SLC35F1: variants seen among roughly 807,000 people sequenced by gnomAD.
The protein encoded by SLC35F1 is chromosome 6 open reading frame 169.
A neutral mutation model predicts 48.7 loss-of-function variants in SLC35F1; 14 were observed. The ratio of observed to expected loss-of-function variants is 0.29; its 90% CI spans 0.19 to 0.45. SLC35F1 has a LOEUF of 0.45. SLC35F1 is among the 20% of genes least tolerant of loss of function. SLC35F1 has a pLI of 1.00. For synonymous variants in SLC35F1, 190 were observed against 202.2 expected (o/e 0.94, Z 0.51); for missense variants, 404 against 500.0 (o/e 0.81, Z 1.83).
At chr6:118,188,319 G>A (rs892520574) in intron 2 of SLC35F1, among the ~76,000 whole-genome samples, 1 of 152,190 alleles carries the variant, frequency 6.6e-6, no homozygotes, top group Non-Finnish European at 1.5e-5. Context: ...GGAGGTGGAG[G>A]CGGGTGGATC....
rs551122941 is a variant in SLC35F1, at chr6:118,282,762, T to G, written c.848-2422T>G. 4.5e-4 allele frequency among the ~76,000 whole-genome samples: 68 copies of G among 152,256 alleles called. 1 individual carries two copies. In the South Asian group the frequency reaches 0.014, roughly 31 times the overall value. On this transcript the variant is annotated intron_variant, in intron 6 of 7. Transcript: ENST00000360388. ...CCCTGGGCATCCTCCATGCTCTCCT[T>G]TCCCTCACCACCTACATCAGTCTAT...
In SLC35F1 at chr6:118,042,371, G is replaced by A. The variant is rs143321251; in HGVS notation, c.174-112074G>A. Among the ~76,000 whole-genome samples, 594 of 152,294 alleles carry A rather than the reference G, an allele frequency of 3.9e-3. 6 individuals carry two copies. The highest frequency in any genetic ancestry group is 0.013 in the African/African-American group (556 of 41,568). ...CACGTTGGGTGGTGGCACAAAGCAT[G>A]AAACAACTAACTCTACCTGCATAGA... On this transcript the variant is annotated intron_variant, in intron 1 of 7. Coordinates refer to ENST00000360388, the MANE Select transcript of SLC35F1 (RefSeq NM_001029858.4).
At chr6:118,133,500 A>G (rs2114427038) in intron 1 of SLC35F1, among the ~76,000 whole-genome samples, 1 of 152,336 alleles carries the variant, frequency 6.6e-6, no homozygotes, top group African/African-American at 2.4e-5. Context: ...AGAAAGGTTA[A>G]TCATATTGAT....
At chr6:118,006,287 TAAG>T (rs961101112) in intron 1 of SLC35F1, among the ~76,000 whole-genome samples, 1 of 152,150 alleles carries the variant, frequency 6.6e-6, no homozygotes, top group African/African-American at 2.4e-5. Context: ...AGAGTAATGA[TAAG>T]AAGGCTTTCT....
rs560467090 is a variant in SLC35F1, at chr6:118,136,924, A to T, written c.174-17521A>T. On this transcript the variant is annotated intron_variant, in intron 1 of 7. Transcript: ENST00000360388. ...GGGCCTCATTTCTCACCTTCCTGGG[A>T]TTAGCTATGGAACTGGAATATAGAT... is the stretch of plus-strand genomic sequence containing the variant. Among the ~76,000 whole-genome samples the T allele has an allele frequency of 3.3e-5, 5 of 152,338 alleles. No individual in the cohort carries two copies. In the East Asian group the frequency reaches 9.6e-4, roughly 29 times the overall value.
intron 1 of SLC35F1, among the ~76,000 whole-genome samples, chr6:118,127,968 AAAAC>A (rs1159494139): frequency 7.2e-5 from 11 of 152,198 alleles, no homozygotes; most frequent in Non-Finnish European, 4.4e-5. Context: ...TTATAGGAAA[AAAAC>A]AAACAACCCC....
At chr6:117,977,467 G>A (rs867192942) in intron 1 of SLC35F1, among the ~76,000 whole-genome samples, 1 of 152,106 alleles carries the variant, frequency 6.6e-6, no homozygotes, top group Non-Finnish European at 1.5e-5. Flanking sequence ...ACATGAAAAT[G>A]TTAGCTAAGT....
In SLC35F1 at chr6:118,154,430, T is replaced by C. The variant is rs201593306; in HGVS notation, c.174-15T>C. ...CTGCTGACCTTTGCTGTGTTTTTTT[T>C]CCTTTATTTCTCAGGGAGATGTTAA... On this transcript the variant is annotated splice_polypyrimidine_tract_variant and intron_variant, in intron 1 of 7. Coordinates refer to ENST00000360388, the MANE Select transcript of SLC35F1 (RefSeq NM_001029858.4). The C allele has an allele frequency of 9.0e-4, 1,433 of 1,589,680 alleles. 12 individuals carry two copies. The highest frequency in any genetic ancestry group is 5.0e-4 in the Middle Eastern group (3 of 5,966).
At chr6:118,193,914 T>C (rs28895974) in intron 2 of SLC35F1, among the ~76,000 whole-genome samples, 2,127 of 152,356 alleles carry the variant, frequency 0.014, 39 homozygotes, top group African/African-American at 0.049. Context: ...CAAATGTCTT[T>C]ATTTTAAATT....
At chr6:118,274,229 A>G (rs2114629258) in intron 4 of SLC35F1, among the ~76,000 whole-genome samples, 1 of 152,176 alleles carries the variant, frequency 6.6e-6, no homozygotes, top group African/African-American at 2.4e-5. Context: ...AGAGCCAGAG[A>G]CCACTTGGGT....
intron 2 of SLC35F1, among the ~76,000 whole-genome samples, chr6:118,221,259 C>CAA (rs745789153): frequency 6.6e-6 from 1 of 152,084 alleles, no homozygotes; most frequent in Non-Finnish European, 1.5e-5. Flanking sequence ...AAGCATAGAT[C>CAA]GCTTTGTCTG....
At chr6:118,271,214 G>A (rs1490261032) in intron 4 of SLC35F1, among the ~76,000 whole-genome samples, 1 of 152,042 alleles carries the variant, frequency 6.6e-6, no homozygotes, top group African/African-American at 2.4e-5. Flanking sequence ...TGTCATTCTT[G>A]CAGCTGAAGA....
At chr6:118,044,563 T>G (rs2114904744) in intron 1 of SLC35F1, among the ~76,000 whole-genome samples, 1 of 152,298 alleles carries the variant, frequency 6.6e-6, no homozygotes, top group Non-Finnish European at 1.5e-5. Flanking sequence ...TTCTGTTTTT[T>G]CCTGAGGTCC....
At chr6:118,082,742 G>A (rs374890014) in intron 1 of SLC35F1, among the ~76,000 whole-genome samples, 2 of 152,086 alleles carry the variant, frequency 1.3e-5, no homozygotes. Flanking sequence ...TCTCCAAATG[G>A]CAAGAAAAAA....
At chr6:117,960,100 G>T (rs754049838) in intron 1 of SLC35F1, among the ~76,000 whole-genome samples, 1 of 152,016 alleles carries the variant, frequency 6.6e-6, no homozygotes, top group South Asian at 2.1e-4. Context: ...ATTGAAGAGG[G>T]TGCTAGGGTT....
At chr6:117,996,616 C>A (rs910442972) in intron 1 of SLC35F1, among the ~76,000 whole-genome samples, 2 of 152,172 alleles carry the variant, frequency 1.3e-5, no homozygotes, top group Non-Finnish European at 2.9e-5. Flanking sequence ...GCAGCATTCG[C>A]GGTTCATGAA....
chr6:118,249,234 G>A (rs1775543521), intron 3 of SLC35F1, among the ~76,000 whole-genome samples: 1 of 152,238 alleles, frequency 6.6e-6, no homozygotes, highest in African/African-American at 2.4e-5. Context: ...TCTCCAAATA[G>A]AACTGGAAAC....
At chr6:118,060,886 G>A (rs1297310674) in intron 1 of SLC35F1, among the ~76,000 whole-genome samples, 1 of 152,204 alleles carries the variant, frequency 6.6e-6, no homozygotes, top group African/African-American at 2.4e-5. Context: ...CCAATTGAGA[G>A]TAGATCCAGG....
intron 1 of SLC35F1, among the ~76,000 whole-genome samples, chr6:118,122,792 G>A (rs988818440): frequency 6.6e-6 from 1 of 152,170 alleles, no homozygotes; most frequent in Non-Finnish European, 1.5e-5. Context: ...CTGGCTAATT[G>A]GCATCCAAAT....
Sources: gnomAD v4.1 joint callset for allele counts (sites outside exome capture counted in the v4.1 genomes callset) on GRCh38, gnomAD v4.1.1 for gene constraint, MANE v1.5 for transcripts, NCBI Gene and HGNC (gene_info 2026-07-23, HGNC 2026-07-21) for gene names.